Variants in CLEC2A observed in about 807,000 individuals in gnomAD.
The protein encoded by CLEC2A is keratinocyte-associated C-type lectin.
CLEC2A carries 19 observed loss-of-function variants against 18.6 expected under a neutral mutation model. The ratio of observed to expected loss-of-function variants is 1.02; its 90% confidence interval spans 0.71 to 1.50. The LOEUF (loss-of-function observed/expected upper bound fraction) is 1.50. Ranked by LOEUF, CLEC2A falls within the 40% of genes most tolerant of loss-of-function variation. The probability of loss-of-function intolerance (pLI) is 0.00; values close to 1 mark genes in which losing one functional copy is unlikely to be tolerated. For missense variants in CLEC2A, 190 were observed against 207.9 expected, an observed-to-expected ratio of 0.91 and a Z score of 0.53; for synonymous variants, 74 against 64.0, an observed-to-expected ratio of 1.16 and a Z score of -0.75.
intron 4 of CLEC2A, chr12:9,899,073 C>G: frequency 1.6e-6 from 1 of 638,812 alleles, no homozygotes; most frequent in Non-Finnish European, 2.9e-6. Flanking sequence ...AATTCCAAGG[C>G]CTTTTATCAG....
chr12:9,931,336 C>T (rs763056919), intron 1 of CLEC2A, among the ~76,000 whole-genome samples: 1 of 152,014 alleles, frequency 6.6e-6, no homozygotes, highest in Non-Finnish European at 1.5e-5. Flanking sequence ...ATCAAGAGTT[C>T]GTAACTATGA....
intron 4 of CLEC2A, among the ~76,000 whole-genome samples, chr12:9,906,842 CAT>C (rs557216339): frequency 1.5e-3 from 226 of 152,292 alleles, no homozygotes; most frequent in African/African-American, 5.3e-3. Flanking sequence ...TAAATCTAAA[CAT>C]ATGTGTTCTC....
chr12:9,899,183 C>A (rs1862792375), intron 4 of CLEC2A, among the ~76,000 whole-genome samples: 1 of 151,890 alleles, frequency 6.6e-6, no homozygotes, highest in Admixed American at 6.6e-5. Context: ...TTCCCCTGAG[C>A]CCAATCCTAA....
downstream of CLEC2A, among the ~76,000 whole-genome samples, chr12:9,897,473 T>C (rs1862769040): frequency 6.6e-6 from 1 of 151,998 alleles, no homozygotes; most frequent in African/African-American, 2.4e-5. Context: ...GAAATCCAGG[T>C]TCTTGTCACA....
At chr12:9,918,473 C>A (rs914016836) in intron 3 of CLEC2A, among the ~76,000 whole-genome samples, 71 of 152,242 alleles carry the variant, frequency 4.7e-4, no homozygotes, top group African/African-American at 1.7e-3. Context: ...TGTTTTTGTA[C>A]CAGTACCATG....
downstream of CLEC2A, among the ~76,000 whole-genome samples, chr12:9,898,425 C>T (rs1214837847): frequency 6.6e-6 from 1 of 152,126 alleles, no homozygotes; most frequent in African/African-American, 2.4e-5. Context: ...TTCCTGCCTT[C>T]CCTGGTATGT....
chr12:9,904,609 G>A (rs1230293989), intron 4 of CLEC2A, among the ~76,000 whole-genome samples: 1 of 152,124 alleles, frequency 6.6e-6, no homozygotes, highest in Non-Finnish European at 1.5e-5. Context: ...TCTGGGTCTG[G>A]ATTTCTTTAT....
downstream of CLEC2A, chr12:9,895,939 C>T: frequency 9.1e-7 from 1 of 1,101,412 alleles, no homozygotes; most frequent in Non-Finnish European, 1.2e-6. Context: ...TGCTAACAGA[C>T]ATCATCTAAA....
the CLEC2A span, among the ~76,000 whole-genome samples, chr12:9,883,303 T>G: frequency 6.6e-6 from 1 of 152,210 alleles, no homozygotes; most frequent in East Asian, 1.9e-4. Context: ...ATTAGTGTTC[T>G]TGCAATAGTA....
downstream of CLEC2A, chr12:9,895,978 ACT>A: frequency 1.4e-6 from 1 of 725,584 alleles, no homozygotes; most frequent in Non-Finnish European, 2.0e-6. Flanking sequence ...TCCTGAATTG[ACT>A]ATAAAGACAA....
intron 4 of CLEC2A, among the ~76,000 whole-genome samples, chr12:9,900,399 T>C (rs1458196757): frequency 6.6e-6 from 1 of 152,154 alleles, no homozygotes; most frequent in Non-Finnish European, 1.5e-5. Flanking sequence ...TCTAGTTCTC[T>C]CTCTGCAGTC....
At chr12:9,924,858 T>G (rs1863242244) in intron 2 of CLEC2A, among the ~76,000 whole-genome samples, 2 of 152,192 alleles carry the variant, frequency 1.3e-5, no homozygotes, top group Non-Finnish European at 2.9e-5. Context: ...CACTCTGAGC[T>G]TCCTTATTTT....
chr12:9,921,967 T>A (rs1863180162), intron 3 of CLEC2A, 99 bp downstream of exon 3: 3 of 1,056,598 alleles, frequency 2.8e-6, no homozygotes, highest in Non-Finnish European at 4.0e-6. Context: ...ACCCATGTTG[T>A]TCAAGGATCA....
At chr12:9,900,785 T>C (rs914296367) in intron 4 of CLEC2A, among the ~76,000 whole-genome samples, 1 of 152,232 alleles carries the variant, frequency 6.6e-6, no homozygotes, top group African/African-American at 2.4e-5. Context: ...TGGACTTTTA[T>C]TGGCTCTGCA....
Position 9,916,750 on chromosome 12 carries a change from C to T in CLEC2A, c.360G>A (p.Arg120=), listed in dbSNP as rs1863078900. ...TCCATTTCCAAGAATCTCCTTGTTT[C>T]CTGCTTAGTCCAATCCAGTGCATAT... ...GTDMHWIGLS[R]KQGDSWKWTN... Residue 120 remains arginine (R), a synonymous_variant, in exon 4 of 5, where the codon AGG becomes AGA. Coordinates refer to ENST00000455827, the MANE Select transcript of CLEC2A (RefSeq NM_001130711.2). The T allele has an allele frequency of 1.3e-6, 2 of 1,551,460 alleles. No homozygotes were observed. Among genetic ancestry groups the T allele is most frequent in the Non-Finnish European group, 8.7e-7 (1 of 1,146,686 alleles).
intron 4 of CLEC2A, among the ~76,000 whole-genome samples, chr12:9,916,409 T>C (rs867928616): frequency 2.0e-5 from 3 of 152,034 alleles, no homozygotes; most frequent in Non-Finnish European, 2.9e-5. Flanking sequence ...TAAATTTGAA[T>C]TAGCAAAAGA....
chr12:9,921,558 G>A (rs1863173453), intron 3 of CLEC2A, among the ~76,000 whole-genome samples: 1 of 152,148 alleles, frequency 6.6e-6, no homozygotes, highest in Admixed American at 6.5e-5. Context: ...CTGCACTCCA[G>A]CCTAGGTGCC....
At chr12:9,881,056 C>A in the CLEC2A span, among the ~76,000 whole-genome samples, 1 of 152,218 alleles carries the variant, frequency 6.6e-6, no homozygotes, top group Non-Finnish European at 1.5e-5. Flanking sequence ...CCGATTTTCA[C>A]TAACTTGAGA....
chr12:9,893,474 G>A, the CLEC2A span: 2 of 1,521,622 alleles, frequency 1.3e-6, no homozygotes, highest in Non-Finnish European at 1.8e-6. Context: ...TGGTTGGATT[G>A]GACTATATGT....
Sources: allele counts gnomAD v4.1 joint callset (sites outside exome capture counted in the v4.1 genomes callset), GRCh38; gene constraint gnomAD v4.1.1; transcripts MANE v1.5; gene names NCBI Gene and HGNC (gene_info 2026-07-23, HGNC 2026-07-21).